The following PCDHGA11 variants were observed in gnomAD, a reference collection of about 807,000 sequenced individuals.
PCDHGA11 encodes the protein protocadherin gamma subfamily A, 11.
In PCDHGA11, 39 loss-of-function variants were observed where a neutral mutation model predicts 60.4. The ratio of observed to expected loss-of-function variants is 0.65; its 90% CI spans 0.50 to 0.84. PCDHGA11 has a LOEUF of 0.84. PCDHGA11 is among the 40% of genes least tolerant of loss of function. PCDHGA11 has a pLI of 0.00. For synonymous variants in PCDHGA11, 533 were observed against 510.3 expected, an observed-to-expected ratio of 1.04 and a Z score of -0.60; for missense variants, 1,165 against 1,197.7, an observed-to-expected ratio of 0.97 and a Z score of 0.40.
chr5:141,467,284 C>T (rs2099140788), intron 1 of PCDHGA11, among the ~76,000 whole-genome samples: 1 of 152,080 alleles, frequency 6.6e-6, no homozygotes, highest in Non-Finnish European at 1.5e-5. Context: ...AACTCTTGAC[C>T]TCAAGTGATC....
intron 1 of PCDHGA11, among the ~76,000 whole-genome samples, chr5:141,473,907 C>T (rs552055360): frequency 2.0e-4 from 30 of 152,220 alleles, no homozygotes; most frequent in African/African-American, 7.2e-4. Context: ...ATGAAGAGGT[C>T]TTAAGAAAAC....
Position 141,421,262 on chromosome 5 carries a change from G to GGCTGCT in PCDHGA11, c.46_51dup (p.Leu16_Leu17dup), listed in dbSNP as rs748368476. 11 of 1,609,598 alleles carry GGCTGCT rather than the reference G, an allele frequency of 6.8e-6. No individual in the cohort carries two copies. The Admixed American group carries it at 8.4e-5, about 12-fold the overall frequency. ...CGGCTACAGCGCGGGGACCGCAGTC[G>GGCTGCT]GCTGCTGCTGCTGCTGTGCATTTTC... is the stretch of plus-strand genomic sequence containing the variant. On this transcript the variant is annotated inframe_insertion, in exon 1 of 4. Coordinates refer to ENST00000398587, the MANE Select transcript of PCDHGA11 (RefSeq NM_018914.3).
rs115607451 is a variant in PCDHGA11, at chr5:141,508,636, A to C, written c.2582-2311A>C. Among the ~76,000 whole-genome samples, 998 of 151,746 alleles carry C rather than the reference A, an allele frequency of 6.6e-3. 12 individuals are homozygous for C. The highest frequency in any genetic ancestry group is 0.023 in the African/African-American group (958 of 41,372). ...ACGTGGGTGGGCCGAGCTTCTAGCT[A>C]CTCCGTCAGGCCCTTCCTGTCATTC... On this transcript the variant is annotated intron_variant, in intron 3 of 3. Transcript: ENST00000398587.
intron 1 of PCDHGA11, among the ~76,000 whole-genome samples, chr5:141,448,007 AC>A (rs1430481139): frequency 1.3e-5 from 2 of 151,784 alleles, no homozygotes; most frequent in Non-Finnish European, 2.9e-5. Context: ...AATCGCTTGA[AC>A]CCAGGAGGTG....
chr5:141,492,471 C>T (rs937691695), intron 1 of PCDHGA11, among the ~76,000 whole-genome samples: 8 of 152,240 alleles, frequency 5.3e-5, no homozygotes, highest in Non-Finnish European at 1.0e-4. Flanking sequence ...GGTCCCAGAT[C>T]GCGGCCGCCC....
intron 1 of PCDHGA11, among the ~76,000 whole-genome samples, chr5:141,447,303 C>G (rs1328783075): frequency 6.6e-6 from 1 of 151,990 alleles, no homozygotes; most frequent in Non-Finnish European, 1.5e-5. Context: ...CCACACCCGG[C>G]TAATTTTTGT....
chr5:141,511,730 T>C lies in PCDHGA11; in HGVS notation c.*557T>C, dbSNP rs772107999. 5.1e-5 allele frequency: 9 copies of C among 177,790 alleles called. No homozygotes were observed. The highest frequency in any genetic ancestry group is 5.3e-5 in the Admixed American group (1 of 18,706). The allele number at this position is 177,790 out of a possible 1,614,324, so 11.0% of individuals were successfully genotyped here. On this transcript the variant is annotated 3_prime_UTR_variant, in exon 4 of 4. Transcript: ENST00000398587. ...ACCTCCTTCCAGAGCCCAAGATCAA[T>C]GCTCAAGTTTTGGAGGACATGATCA...
chr5:141,473,254 T>C (rs1203765731), intron 1 of PCDHGA11, among the ~76,000 whole-genome samples: 5 of 152,152 alleles, frequency 3.3e-5, no homozygotes, highest in African/African-American at 4.8e-5. Context: ...ACATATATAG[T>C]CCTTAGTGTA....
In PCDHGA11 at chr5:141,438,615, TATATATATATATATATATATACAC is replaced by T. The variant is rs1230398483; in HGVS notation, c.2433+14957_2433+14980del. ...ACATATATATATATATATATATATA[TATATATATATATATATATATACAC>T]ACACACACACACATATATGTATATA... is the stretch of plus-strand genomic sequence containing the variant. On this transcript the variant is annotated intron_variant, in intron 1 of 3. Transcript: ENST00000398587. Among the ~76,000 whole-genome samples the T allele has an allele frequency of 3.0e-3, 107 of 35,910 alleles. 2 individuals carry two copies. The highest frequency in any genetic ancestry group is 7.9e-3 in the African/African-American group (39 of 4,916). The allele number at this position is 35,910 out of a possible 152,430, so 23.6% of individuals were successfully genotyped here. A position where few individuals can be genotyped will look rare whatever the true frequency, so the allele number is the denominator to read the frequency against.
chr5:141,434,714 G>A (rs1333237898), intron 1 of PCDHGA11, among the ~76,000 whole-genome samples: 1 of 151,564 alleles, frequency 6.6e-6, no homozygotes, highest in Non-Finnish European at 1.5e-5. Context: ...GTAAATCTCT[G>A]TTCAGGGCTC....
intron 1 of PCDHGA11, among the ~76,000 whole-genome samples, chr5:141,468,046 C>T (rs540273405): frequency 1.3e-4 from 20 of 152,174 alleles, no homozygotes; most frequent in Non-Finnish European, 2.8e-4. Flanking sequence ...AAAACTAAGC[C>T]GGGCACAGTG....
In PCDHGA11 at chr5:141,463,735, C is replaced by T. The variant is rs1411988885; in HGVS notation, c.2434-31072C>T. On this transcript the variant is annotated intron_variant, in intron 1 of 3. Coordinates refer to ENST00000398587, the MANE Select transcript of PCDHGA11 (RefSeq NM_018914.3). ...TGCTGGGATTACAGGCATGAGCCAC[C>T]GCGCCCGGCCTGCTTCTCTTCTCTT... 3.3e-5 allele frequency among the ~76,000 whole-genome samples: 5 copies of T among 152,100 alleles called. No individual in the cohort carries two copies. The East Asian group carries it at 7.8e-4, about 24-fold the overall frequency.
At chr5:141,481,718 C>T (rs942120251) in intron 1 of PCDHGA11, among the ~76,000 whole-genome samples, 6 of 152,082 alleles carry the variant, frequency 3.9e-5, no homozygotes, top group East Asian at 1.9e-4. Context: ...CTTTGGGAGG[C>T]GGAGGCGGGC....
Position 141,421,574 on chromosome 5 carries a change from A to C in PCDHGA11, c.347A>C (p.Lys116Thr). Residue 116 changes from lysine (K) to threonine (T), a missense_variant, in exon 1 of 4, where the codon AAG becomes ACG. Lys to Thr is a moderately conservative substitution (Grantham distance 78). Transcript: ENST00000398587. Reference protein sequence around the residue: ...NMELLVEDTLKIYGVEVEIID... With the variant: ...NMELLVEDTLTIYGVEVEIID... ...GAACTTCTCGTGGAAGACACCTTGA[A>C]GATTTACGGAGTGGAGGTGGAAATA... 1 of 1,613,924 alleles carries C rather than the reference A, an allele frequency of 6.2e-7. No individual in the cohort carries two copies.
chr5:141,505,026 G>T (rs190826538), intron 2 of PCDHGA11, among the ~76,000 whole-genome samples: 1 of 152,198 alleles, frequency 6.6e-6, no homozygotes, highest in South Asian at 2.1e-4. Context: ...GCCTGGCACA[G>T]TGGCAGGTGC....
intron 1 of PCDHGA11, among the ~76,000 whole-genome samples, chr5:141,470,430 T>C (rs994304635): frequency 6.6e-6 from 1 of 152,232 alleles, no homozygotes; most frequent in Non-Finnish European, 1.5e-5. Flanking sequence ...TTTCCTTGTG[T>C]GCAATAATTT....
chr5:141,426,772 C>T, intron 1 of PCDHGA11: 1 of 456,686 alleles, frequency 2.2e-6, no homozygotes, highest in South Asian at 1.5e-5. Context: ...GATGTAGGGC[C>T]TCACTCTCTC....
rs2233602 is a variant in PCDHGA11, at chr5:141,490,032, C to T, written c.2434-4775C>T. 47,990 of 1,614,182 alleles carry T rather than the reference C, an allele frequency of 0.03. 1,413 individuals are homozygous for T. Among genetic ancestry groups the T allele is most frequent in the African/African-American group, 0.15 (11,444 of 75,040 alleles). On this transcript the variant is annotated intron_variant, in intron 1 of 3. Coordinates refer to ENST00000398587, the MANE Select transcript of PCDHGA11 (RefSeq NM_018914.3). The surrounding 1 kb of genome is among the most constrained non-coding windows in gnomAD (Gnocchi z 5.4). ...CCATTGGTACTCTGCTGCTCCGCCT[C>T]AATGCCACTGATCCAGACGAGGGCA...
intron 1 of PCDHGA11, among the ~76,000 whole-genome samples, chr5:141,480,720 G>C (rs2099524423): frequency 6.6e-6 from 1 of 152,146 alleles, no homozygotes; most frequent in Non-Finnish European, 1.5e-5. Context: ...TGAAAGCACA[G>C]TCTCTGGGGG....
Sources: allele counts gnomAD v4.1 joint callset (sites outside exome capture counted in the v4.1 genomes callset), GRCh38; gene constraint gnomAD v4.1.1; non-coding constraint Gnocchi (gnomAD v3.1); transcripts MANE v1.5; gene names NCBI Gene and HGNC (gene_info 2026-07-23, HGNC 2026-07-21).